Variants in SLC25A21 observed in about 807,000 individuals in gnomAD.
The protein encoded by SLC25A21 is solute carrier family 25 member 21, also known as mitochondrial 2-oxodicarboxylate carrier.
Under a neutral mutation model 43.8 loss-of-function variants are expected in SLC25A21, and 47 were observed. The ratio of observed to expected loss-of-function variants is 1.07; its 90% CI spans 0.85 to 1.37. The LOEUF is 1.37. Ranked by LOEUF, SLC25A21 falls within the 40% of genes most tolerant of loss-of-function variation. SLC25A21 has a pLI of 0.00. For synonymous variants in SLC25A21, 131 were observed against 121.3 expected (o/e 1.08, Z -0.52); for missense variants, 352 against 350.2 (o/e 1.00, Z -0.04).
At chr14:37,145,847 A>C (rs1048794774) in intron 1 of SLC25A21, among the ~76,000 whole-genome samples, 1 of 152,206 alleles carries the variant, frequency 6.6e-6, no homozygotes, top group Non-Finnish European at 1.5e-5. Flanking sequence ...AGGTTCACAG[A>C]ATCAATGGGA....
chr14:36,936,996 A>G (rs945397995), intron 1 of SLC25A21, among the ~76,000 whole-genome samples: 1 of 152,182 alleles, frequency 6.6e-6, no homozygotes, highest in Non-Finnish European at 1.5e-5. Flanking sequence ...TACAACAAGG[A>G]CAGATGGATA....
intron 3 of SLC25A21, among the ~76,000 whole-genome samples, chr14:36,760,720 G>A (rs562162724): frequency 2.6e-5 from 4 of 152,208 alleles, no homozygotes; most frequent in African/African-American, 4.8e-5. Flanking sequence ...GTCTAACTCC[G>A]TCACTCATGT....
At chr14:37,055,616 C>T (rs1961807657) in intron 1 of SLC25A21, among the ~76,000 whole-genome samples, 2 of 152,038 alleles carry the variant, frequency 1.3e-5, no homozygotes, top group Admixed American at 1.3e-4. Flanking sequence ...CCCAAGGTGT[C>T]TATGTTGGAG....
chr14:36,726,628 C>T (rs1884612372), intron 5 of SLC25A21, among the ~76,000 whole-genome samples: 1 of 152,168 alleles, frequency 6.6e-6, no homozygotes, highest in Non-Finnish European at 1.5e-5. Context: ...TAGAATTTTC[C>T]TCTAGGTAGA....
At chr14:37,002,064 G>C (rs1443526136) in intron 1 of SLC25A21, among the ~76,000 whole-genome samples, 1 of 152,076 alleles carries the variant, frequency 6.6e-6, no homozygotes, top group East Asian at 1.9e-4. Context: ...CACAGCATGA[G>C]GCACTGGGAG....
In SLC25A21 at chr14:36,879,833, A is replaced by G. The variant is rs183544088; in HGVS notation, c.71-4829T>C. Among the ~76,000 whole-genome samples the G allele has an allele frequency of 1.7e-4, 26 of 152,002 alleles. No homozygotes were observed. The East Asian group carries it at 5.0e-3, about 29-fold the overall frequency. On this transcript the variant is annotated intron_variant, in intron 1 of 9. Transcript: ENST00000331299. ...CACTCTTTTCCAAAAAAAAAAAAGT[A>G]CAAACATTGTCACACAATGATTAAT...
chr14:36,760,988 T>A (rs1193160584), intron 3 of SLC25A21, among the ~76,000 whole-genome samples: 1 of 152,256 alleles, frequency 6.6e-6, no homozygotes, highest in African/African-American at 2.4e-5. Flanking sequence ...GCTTGGCAGA[T>A]TCTTAGAGGC....
chr14:37,089,424 T>C (rs1962543065), intron 1 of SLC25A21, among the ~76,000 whole-genome samples: 1 of 152,098 alleles, frequency 6.6e-6, no homozygotes, highest in African/African-American at 2.4e-5. Flanking sequence ...ATATGAAAAA[T>C]ACATATAGGA....
At chr14:37,164,124 G>C (rs1363155116) in intron 1 of SLC25A21, among the ~76,000 whole-genome samples, 1 of 152,048 alleles carries the variant, frequency 6.6e-6, no homozygotes, top group Admixed American at 6.6e-5. Flanking sequence ...ACATATTAAG[G>C]GTAGTTACAC....
chr14:36,801,734 A>G (rs1210816378), intron 3 of SLC25A21, among the ~76,000 whole-genome samples: 2 of 152,032 alleles, frequency 1.3e-5, no homozygotes, highest in Non-Finnish European at 2.9e-5. Flanking sequence ...TTTCACTTTA[A>G]ATGTTCTTTT....
chr14:37,022,684 C>T (rs1162106597), intron 1 of SLC25A21, among the ~76,000 whole-genome samples: 1 of 151,908 alleles, frequency 6.6e-6, no homozygotes, highest in East Asian at 1.9e-4. Context: ...TAAAATATTA[C>T]CCTAACCATT....
intron 1 of SLC25A21, among the ~76,000 whole-genome samples, chr14:37,168,166 C>T (rs371971662): frequency 5.9e-5 from 9 of 152,068 alleles, no homozygotes; most frequent in East Asian, 3.9e-4. Flanking sequence ...TACCAAGGGT[C>T]TGATCCAGTA....
In SLC25A21 at chr14:36,678,660, A is replaced by G; in HGVS notation, c.*1998T>C. On this transcript the variant is annotated 3_prime_UTR_variant, in exon 10 of 10. Coordinates refer to ENST00000331299, the MANE Select transcript of SLC25A21 (RefSeq NM_030631.4). ...AGGTGGCTGTTAGGGGGCTTTAAAA[A>G]ATATTACTTGCTTGTGTGGAAATGC... The G allele has an allele frequency of 8.0e-7, 1 of 1,255,618 alleles. No homozygotes were observed. The highest frequency in any genetic ancestry group is 1.0e-6 in the Non-Finnish European group (1 of 1,000,170). 77.8% of individuals were successfully genotyped at this position (1,255,618 alleles called of 1,614,324 possible).
chr14:36,750,153 C>A, intron 3 of SLC25A21, among the ~76,000 whole-genome samples: 1 of 152,222 alleles, frequency 6.6e-6, no homozygotes, highest in East Asian at 1.9e-4. Context: ...AAAATCGTAT[C>A]TGGCATTTTG....
chr14:36,931,441 C>G (rs1459191465), intron 1 of SLC25A21, among the ~76,000 whole-genome samples: 2 of 152,048 alleles, frequency 1.3e-5, no homozygotes, highest in African/African-American at 4.8e-5. Flanking sequence ...AAATGGAGAG[C>G]ATTTGGCAAA....
rs375348009 is a variant in SLC25A21 at position 36,782,493 on chromosome 14, C to T, written c.203+31425G>A. 7.8e-4 allele frequency among the ~76,000 whole-genome samples: 119 copies of T among 152,192 alleles called. No individual in the cohort carries two copies. In the South Asian group the frequency reaches 0.024, roughly 30 times the overall value. On this transcript the variant is annotated intron_variant, in intron 3 of 9. Transcript: ENST00000331299. ...CATATTCCCTTGGATTGTTGTGTTTCTTGAAGCCTGGTATTGCTATCTTTG... is the reference window on the plus strand; with the variant it reads ...CATATTCCCTTGGATTGTTGTGTTTTTTGAAGCCTGGTATTGCTATCTTTG...
chr14:37,139,654 T>A (rs1368558979), intron 1 of SLC25A21, among the ~76,000 whole-genome samples: 2 of 152,176 alleles, frequency 1.3e-5, no homozygotes, highest in African/African-American at 4.8e-5. Context: ...CAAGAAGAAC[T>A]AAAATAGTTC....
At position 37,107,755 on chromosome 14, in the gene SLC25A21, T is replaced by C. The variant is rs552977146; in HGVS notation, c.70+64526A>G. Among the ~76,000 whole-genome samples the C allele has an allele frequency of 7.9e-5, 12 of 152,278 alleles. No homozygotes were observed. In the South Asian group the frequency reaches 1.7e-3, roughly 21 times the overall value. ...TAGCTAACAAATAAAGGCTCCAAGA[T>C]TCAAGTCCAGCCATTCCCTCTCCTA... On this transcript the variant is annotated intron_variant, in intron 1 of 9. Coordinates refer to ENST00000331299, the MANE Select transcript of SLC25A21 (RefSeq NM_030631.4).
At chr14:37,039,182 A>C (rs1042198075) in intron 1 of SLC25A21, among the ~76,000 whole-genome samples, 2 of 152,178 alleles carry the variant, frequency 1.3e-5, no homozygotes, top group Non-Finnish European at 2.9e-5. Flanking sequence ...CTTTTCGCCT[A>C]ATCATTGACA....
Sources: gnomAD v4.1 joint callset for allele counts (sites outside exome capture counted in the v4.1 genomes callset) on GRCh38, gnomAD v4.1.1 for gene constraint, MANE v1.5 for transcripts, NCBI Gene and HGNC (gene_info 2026-07-23, HGNC 2026-07-21) for gene names.